Variants in CDC123 observed in about 807,000 individuals in gnomAD.
CDC123 encodes the protein cell division cycle 123.
Under a neutral mutation model 54.4 loss-of-function variants are expected in CDC123, and 37 were observed. The observed-to-expected ratio is 0.68, with a 90% CI of 0.52 to 0.89. The LOEUF is 0.89. Ranked by LOEUF, CDC123 falls within the 40% of genes least tolerant of loss-of-function variation. CDC123 has a pLI of 0.00. For synonymous variants in CDC123, 144 were observed against 136.8 expected (o/e 1.05, Z -0.37); for missense variants, 361 against 412.1 (o/e 0.88, Z 1.07).
intron 6 of CDC123, among the ~76,000 whole-genome samples, chr10:12,220,834 G>A (rs962242938): frequency 2.0e-5 from 3 of 152,008 alleles, no homozygotes; most frequent in Non-Finnish European, 2.9e-5. Context: ...AAAATTAGCC[G>A]GGCGTGGTGG....
chr10:12,233,327 T>C (rs1835929488), intron 7 of CDC123, among the ~76,000 whole-genome samples: 1 of 151,276 alleles, frequency 6.6e-6, no homozygotes, highest in South Asian at 2.1e-4. Flanking sequence ...TCTCTGTCTC[T>C]TTATAGATAC....
chr10:12,231,073 A>T (rs1835896942), intron 7 of CDC123, 77 bp downstream of exon 7: 3 of 1,338,440 alleles, frequency 2.2e-6, no homozygotes, highest in South Asian at 2.6e-5. Context: ...GTGAAATGAA[A>T]TGAATGAAGT....
intron 11 of CDC123, among the ~76,000 whole-genome samples, chr10:12,249,328 C>T (rs758605217): frequency 2.0e-5 from 3 of 152,084 alleles, no homozygotes; most frequent in Non-Finnish European, 4.4e-5. Flanking sequence ...GTCCCAGCTA[C>T]TTGGGAGGCT....
At chr10:12,246,367 G>T (rs11818932) in intron 11 of CDC123, 90 bp downstream of exon 11, 62,822 of 1,442,506 alleles carry the variant, frequency 0.044, 3,724 homozygotes, top group African/African-American at 0.24. Flanking sequence ...GGCGGCAATG[G>T]CCAGGACCCT....
chr10:12,249,083 C>T (rs758798742), intron 11 of CDC123, among the ~76,000 whole-genome samples: 2 of 149,520 alleles, frequency 1.3e-5, no homozygotes, highest in South Asian at 2.1e-4. Flanking sequence ...CAACAGAGAT[C>T]GTGCCCCTGC....
intron 8 of CDC123, 55 bp downstream of exon 8, chr10:12,235,178 A>G: frequency 1.4e-6 from 2 of 1,463,008 alleles, no homozygotes; most frequent in Non-Finnish European, 1.9e-6. Flanking sequence ...TTAAAAGAAA[A>G]CAAGCTTTTG....
intron 2 of CDC123, among the ~76,000 whole-genome samples, chr10:12,204,988 A>C (rs948447803): frequency 1.3e-5 from 1 of 76,670 alleles, no homozygotes; most frequent in Non-Finnish European, 2.9e-5. Flanking sequence ...GTGAGACTCC[A>C]TATCAAAAAA....
At chr10:12,226,582 T>G (rs1207744497) in intron 6 of CDC123, among the ~76,000 whole-genome samples, 2 of 140,674 alleles carry the variant, frequency 1.4e-5, no homozygotes, top group Non-Finnish European at 3.0e-5. Flanking sequence ...CCAGACAGCG[T>G]CGCGGCTGGG....
intron 4 of CDC123, 96 bp from the exon 5 acceptor site, chr10:12,215,644 T>A: frequency 1.7e-6 from 1 of 575,240 alleles, no homozygotes; most frequent in Non-Finnish European, 2.9e-6. Flanking sequence ...AATTCTGTTT[T>A]TAACACCCTA....
At chr10:12,243,946 C>T (rs1398460195) in intron 10 of CDC123, among the ~76,000 whole-genome samples, 2 of 152,016 alleles carry the variant, frequency 1.3e-5, no homozygotes, top group African/African-American at 2.4e-5. Context: ...TCACATAGTT[C>T]CAGGAATGAA....
chr10:12,225,435 C>T (rs1835796957), intron 6 of CDC123, among the ~76,000 whole-genome samples: 1 of 152,082 alleles, frequency 6.6e-6, no homozygotes, highest in Admixed American at 6.6e-5. Context: ...AAATATGTGT[C>T]TAGTCCCCAT....
intron 7 of CDC123, among the ~76,000 whole-genome samples, chr10:12,232,890 G>A (rs557028024): frequency 5.5e-4 from 84 of 151,750 alleles, no homozygotes; most frequent in African/African-American, 1.9e-3. Context: ...CTCCCAAGGA[G>A]CTGGGATTAC....
chr10:12,200,296 T>G (rs1381888779), intron 2 of CDC123, among the ~76,000 whole-genome samples: 1 of 151,442 alleles, frequency 6.6e-6, no homozygotes, highest in Non-Finnish European at 1.5e-5. Context: ...CCAGCTAATT[T>G]TTGTATTTTT....
At chr10:12,244,841 T>G (rs1296132995) in intron 10 of CDC123, 1 of 151,776 alleles carries the variant, frequency 6.6e-6, no homozygotes, top group Non-Finnish European at 1.5e-5. Context: ...AGACCCTGTC[T>G]CTAGTAAAAA....
intron 2 of CDC123, among the ~76,000 whole-genome samples, chr10:12,205,334 T>TA (rs1327500312): frequency 6.6e-6 from 1 of 152,184 alleles, no homozygotes; most frequent in Non-Finnish European, 1.5e-5. Context: ...GGTGAGCACT[T>TA]AGGTGGCTTC....
intron 10 of CDC123, among the ~76,000 whole-genome samples, chr10:12,240,018 A>G (rs974259950): frequency 1.3e-5 from 2 of 151,610 alleles, no homozygotes; most frequent in Admixed American, 1.3e-4. Context: ...AAAAAAAAAA[A>G]AAAAAAAATT....
intron 6 of CDC123, among the ~76,000 whole-genome samples, chr10:12,218,605 TCA>T (rs1835692812): frequency 6.6e-6 from 1 of 152,176 alleles, no homozygotes; most frequent in Non-Finnish European, 1.5e-5. Flanking sequence ...GTGTCTAAAT[TCA>T]TTATTTTCCA....
intron 6 of CDC123, among the ~76,000 whole-genome samples, chr10:12,225,746 CTTTTTTTTTTTTTTTTTT>C (rs60404885): frequency 3.0e-5 from 2 of 66,930 alleles, no homozygotes; most frequent in African/African-American, 1.4e-4. Context: ...TAGCTTCTCT[CTTTTTTTTTTTTTTTTTT>C]TTTTTTTTTA....
At chr10:12,207,473 T>G (rs959380169) in intron 2 of CDC123, among the ~76,000 whole-genome samples, 8 of 152,230 alleles carry the variant, frequency 5.3e-5, no homozygotes, top group Non-Finnish European at 1.2e-4. Flanking sequence ...TGAAAACGTT[T>G]TTCATCTTGG....
Sources: gnomAD v4.1 joint callset for allele counts (sites outside exome capture counted in the v4.1 genomes callset) on GRCh38, gnomAD v4.1.1 for gene constraint, MANE v1.5 for transcripts, NCBI Gene and HGNC (gene_info 2026-07-23, HGNC 2026-07-21) for gene names.